The following CDH18 variants were observed in gnomAD, a reference collection of about 807,000 sequenced individuals.
CDH18 encodes cadherin-18.
A neutral mutation model predicts 67.9 loss-of-function variants in CDH18; 31 were observed. The ratio of observed to expected loss-of-function variants is 0.46; its 90% CI spans 0.34 to 0.62. CDH18 has a LOEUF of 0.62. CDH18 is among the 20% of genes least tolerant of loss of function. CDH18 has a pLI of 0.01. For synonymous variants in CDH18, 362 were observed against 347.2 expected (o/e 1.04, Z -0.48); for missense variants, 890 against 975.5 (o/e 0.91, Z 1.17).
chr5:20,538,909 GTT>G (rs35247774), intron 1 of CDH18, among the ~76,000 whole-genome samples: 1 of 118,748 alleles, frequency 8.4e-6, no homozygotes. Context: ...TTTTTTTTTT[GTT>G]TTTTTTTTTT....
chr5:20,380,657 T>G (rs1399349765), intron 1 of CDH18, among the ~76,000 whole-genome samples: 2 of 152,194 alleles, frequency 1.3e-5, no homozygotes, highest in Non-Finnish European at 2.9e-5. Flanking sequence ...TTTGAAATAT[T>G]TTTTCTTTCT....
In CDH18 at chr5:20,555,408, CTTTTTTTTTTTTTTTTTTTTTTTT is replaced by C. The variant is rs774396694; in HGVS notation, c.-580+20030_-580+20053del. On this transcript the variant is annotated intron_variant, in intron 1 of 14. Coordinates refer to the CDH18 transcript ENST00000507958. ...GCCAGAACCACCAAGACAAGCTTTT[CTTTTTTTTTTTTTTTTTTTTTTTT>C]TTTTTTTTTTTTTTTTTTCTTTTTT... is the stretch of plus-strand genomic sequence containing the variant. Among the ~76,000 whole-genome samples the C allele has an allele frequency of 4.5e-3, 469 of 103,686 alleles. 1 individual carries two copies. The highest frequency in any genetic ancestry group is 0.011 in the East Asian group (41 of 3,746). 68.0% of individuals were successfully genotyped at this position (103,686 alleles called of 152,430 possible). A position where few individuals can be genotyped will look rare whatever the true frequency, so the allele number is the denominator to read the frequency against.
intron 8 of CDH18, among the ~76,000 whole-genome samples, chr5:19,568,588 T>C (rs1449149268): frequency 2.6e-5 from 4 of 152,092 alleles, no homozygotes; most frequent in African/African-American, 9.7e-5. Flanking sequence ...AGAAAATTGG[T>C]GGGACATTCA....
intron 12 of CDH18, among the ~76,000 whole-genome samples, chr5:19,483,022 G>A (rs1739731063): frequency 6.6e-6 from 1 of 151,860 alleles, no homozygotes; most frequent in Non-Finnish European, 1.5e-5. Context: ...CTTTCACGGT[G>A]GGATTCTGAA....
chr5:20,142,966 C>CTGAAAATACTG (rs1396079739), intron 2 of CDH18, among the ~76,000 whole-genome samples: 2 of 152,028 alleles, frequency 1.3e-5, no homozygotes, highest in African/African-American at 4.8e-5. Context: ...GCAGCTGTAA[C>CTGAAAATACTG]AAATACTGAA....
intron 2 of CDH18, among the ~76,000 whole-genome samples, chr5:20,131,966 C>T (rs1473889856): frequency 3.3e-5 from 5 of 152,124 alleles, no homozygotes; most frequent in South Asian, 2.1e-4. Flanking sequence ...TGGCTCACTG[C>T]GACCTCTACC....
At chr5:19,823,990 C>A (rs1780153944) in intron 3 of CDH18, among the ~76,000 whole-genome samples, 1 of 151,226 alleles carries the variant, frequency 6.6e-6, no homozygotes, top group African/African-American at 2.4e-5. Flanking sequence ...GAGTAAATAA[C>A]AAAATTAATT....
At chr5:20,205,208 G>C (rs1180823175) in intron 2 of CDH18, among the ~76,000 whole-genome samples, 2 of 151,902 alleles carry the variant, frequency 1.3e-5, no homozygotes, top group Non-Finnish European at 2.9e-5. Context: ...CATGCAGCTG[G>C]AAACCGAAAA....
chr5:19,632,052 T>C (rs1053468950), intron 5 of CDH18, among the ~76,000 whole-genome samples: 9 of 152,218 alleles, frequency 5.9e-5, no homozygotes, highest in Admixed American at 5.2e-4. Flanking sequence ...TTCATATTTA[T>C]ATGATCAATG....
Position 20,488,940 on chromosome 5 carries a change from T to C in CDH18, c.-580+86522A>G, listed in dbSNP as rs993511202. On this transcript the variant is annotated intron_variant, in intron 1 of 14. Coordinates refer to the CDH18 transcript ENST00000507958. Reference sequence around the variant, plus strand: ...GTGGTGACAAACTGCTTTTCATACATGTATATCTCAACATTACCTCTTTAG... The same window carrying C: ...GTGGTGACAAACTGCTTTTCATACACGTATATCTCAACATTACCTCTTTAG... Among the ~76,000 whole-genome samples, 4 of 152,022 alleles carry C rather than the reference T, an allele frequency of 2.6e-5. No homozygotes were observed. In the East Asian group the frequency reaches 7.7e-4, roughly 29 times the overall value.
chr5:19,535,346 T>C lies in CDH18; in HGVS notation c.1390+8523A>G, dbSNP rs546297759. On this transcript the variant is annotated intron_variant, in intron 9 of 12. Coordinates refer to ENST00000382275, the MANE Select transcript of CDH18 (RefSeq NM_004934.5). ...GTAAAAGTGCTAATTAGGATCTCTTTGTGTGCTAAGGGAAATTGGTAATAC... is the reference window on the plus strand; with the variant it reads ...GTAAAAGTGCTAATTAGGATCTCTTCGTGTGCTAAGGGAAATTGGTAATAC... 1.8e-3 allele frequency among the ~76,000 whole-genome samples: 269 copies of C among 152,298 alleles called. 1 individual carries two copies. The highest frequency in any genetic ancestry group is 6.8e-3 in the Middle Eastern group (2 of 294).
At chr5:19,558,237 T>C (rs1738801383) in intron 8 of CDH18, among the ~76,000 whole-genome samples, 1 of 149,090 alleles carries the variant, frequency 6.7e-6, no homozygotes, top group African/African-American at 2.4e-5. Context: ...GTCAAGGAAG[T>C]AGAGAAACAA....
intron 6 of CDH18, among the ~76,000 whole-genome samples, chr5:19,602,468 C>A (rs11954326): frequency 0.14 from 21,973 of 151,846 alleles, 2,031 homozygotes; most frequent in Admixed American, 0.19. Context: ...AAAACACACA[C>A]ACACACACAC....
chr5:19,824,672 CT>C (rs1254564861), intron 3 of CDH18, among the ~76,000 whole-genome samples: 5 of 152,166 alleles, frequency 3.3e-5, no homozygotes, highest in Non-Finnish European at 5.9e-5. Context: ...TTCACTCCTC[CT>C]AGCTGGATGG....
At position 19,994,250 on chromosome 5, in the gene CDH18, C is replaced by CACATATATACACATATGTAT. The variant is rs1561694932; in HGVS notation, c.-517-2237_-517-2236insATACATATGTGTATATATGT. Among the ~76,000 whole-genome samples the CACATATATACACATATGTAT allele has an allele frequency of 3.4e-3, 477 of 139,380 alleles. 2 individuals carry two copies. The highest frequency in any genetic ancestry group is 0.013 in the African/African-American group (445 of 33,096). The allele number at this position is 139,380 out of a possible 152,430, so 91.4% of individuals were successfully genotyped here. On this transcript the variant is annotated intron_variant, in intron 2 of 14. Transcript: ENST00000507958. ...ATACATGTATATACACACACATATACACATATATACACATATATGTATACA... is the reference window on the plus strand; with the variant it reads ...ATACATGTATATACACACACATATACACATATATACACATATGTATACATATATACACATATATGTATACA...
chr5:20,370,865 C>A (rs1324834914), intron 1 of CDH18, among the ~76,000 whole-genome samples: 1 of 151,942 alleles, frequency 6.6e-6, no homozygotes, highest in Non-Finnish European at 1.5e-5. Flanking sequence ...GATGAAACCC[C>A]ATGTCTACTA....
chr5:20,302,978 A>G (rs1190008058), intron 1 of CDH18, among the ~76,000 whole-genome samples: 1 of 151,544 alleles, frequency 6.6e-6, no homozygotes, highest in Non-Finnish European at 1.5e-5. Flanking sequence ...CCAAACAGAC[A>G]TATGGAATCT....
At chr5:19,514,675 C>G (rs901514604) in intron 10 of CDH18, among the ~76,000 whole-genome samples, 1 of 152,210 alleles carries the variant, frequency 6.6e-6, no homozygotes, top group African/African-American at 2.4e-5. Flanking sequence ...TATCCTTTGC[C>G]CACTTTTTGA....
chr5:19,521,147 A>C (rs778754463), intron 9 of CDH18, among the ~76,000 whole-genome samples: 1 of 152,196 alleles, frequency 6.6e-6, no homozygotes, highest in Non-Finnish European at 1.5e-5. Context: ...AAAAATAATT[A>C]CCTAATCTTT....
Sources: allele counts gnomAD v4.1 joint callset (sites outside exome capture counted in the v4.1 genomes callset), GRCh38; gene constraint gnomAD v4.1.1; transcripts MANE v1.5; gene names NCBI Gene and HGNC (gene_info 2026-07-23, HGNC 2026-07-21).